The following NOL4 variants were observed in gnomAD, a reference collection of about 807,000 sequenced individuals.
NOL4 encodes nucleolar protein 4.
In NOL4, 17 loss-of-function variants were observed where a neutral mutation model predicts 75.9. The observed-to-expected ratio is 0.22, with a 90% confidence interval of 0.15 to 0.34. The LOEUF (loss-of-function observed/expected upper bound fraction) is 0.34. Among genes scored for constraint, NOL4 ranks in the 10% least tolerant of loss-of-function variants. The pLI is 1.00. For synonymous variants in NOL4, 292 were observed against 289.9 expected, an observed-to-expected ratio of 1.01 and a Z score of -0.07; for missense variants, 614 against 793.5, an observed-to-expected ratio of 0.77 and a Z score of 2.72.
intron 6 of NOL4, among the ~76,000 whole-genome samples, chr18:33,972,760 T>C (rs2071178088): frequency 6.6e-6 from 1 of 152,240 alleles, no homozygotes; most frequent in Non-Finnish European, 1.5e-5. Context: ...GTCTATTAAG[T>C]GTGCAATAGC....
At chr18:34,203,121 T>A (rs1443234720) in intron 1 of NOL4, among the ~76,000 whole-genome samples, 3 of 151,874 alleles carry the variant, frequency 2.0e-5, no homozygotes, top group Non-Finnish European at 4.4e-5. Flanking sequence ...AAACAAACTA[T>A]TGAAACAAAT....
intron 1 of NOL4, among the ~76,000 whole-genome samples, chr18:34,168,848 C>T (rs1043750036): frequency 1.3e-5 from 2 of 151,294 alleles, no homozygotes; most frequent in Admixed American, 6.6e-5. Flanking sequence ...AATAATTTTA[C>T]AGTTAAAAGT....
intron 5 of NOL4, among the ~76,000 whole-genome samples, chr18:34,025,121 A>T (rs1006509736): frequency 1.3e-5 from 2 of 152,160 alleles, no homozygotes; most frequent in East Asian, 1.9e-4. Flanking sequence ...ATCTGGAAAA[A>T]TTTCAGAAAA....
chr18:33,990,127 T>A (rs888982882), intron 6 of NOL4, among the ~76,000 whole-genome samples: 12 of 152,000 alleles, frequency 7.9e-5, no homozygotes, highest in African/African-American at 2.9e-4. Context: ...TGATGAAAAA[T>A]CAAATAAGGT....
intron 9 of NOL4, among the ~76,000 whole-genome samples, chr18:33,917,692 T>C (rs1437106603): frequency 1.3e-5 from 2 of 151,996 alleles, no homozygotes; most frequent in Non-Finnish European, 2.9e-5. Context: ...TTAGTAGAGA[T>C]GAGGTCTCGC....
At chr18:34,120,329 C>T (rs924496890) in intron 2 of NOL4, among the ~76,000 whole-genome samples, 1 of 152,130 alleles carries the variant, frequency 6.6e-6, no homozygotes, top group Non-Finnish European at 1.5e-5. Context: ...ACATCATAAG[C>T]TAGCACATAT....
At chr18:34,128,774 G>A in intron 2 of NOL4, 1 of 513,470 alleles carries the variant, frequency 1.9e-6, no homozygotes, top group Non-Finnish European at 2.5e-6. Flanking sequence ...ATATGACCCT[G>A]GAAATATAGC....
intron 2 of NOL4, among the ~76,000 whole-genome samples, chr18:34,121,593 G>A (rs1357866483): frequency 1.3e-5 from 2 of 152,242 alleles, no homozygotes; most frequent in African/African-American, 2.4e-5. Context: ...TTTGCATATC[G>A]TTCATGTATT....
intron 5 of NOL4, among the ~76,000 whole-genome samples, chr18:34,024,584 C>T (rs954437757): frequency 6.6e-6 from 1 of 151,988 alleles, no homozygotes; most frequent in Non-Finnish European, 1.5e-5. Flanking sequence ...ACAACAACAA[C>T]AAAGGAAGCT....
intron 10 of NOL4, among the ~76,000 whole-genome samples, chr18:33,864,500 C>G (rs897378514): frequency 6.6e-6 from 1 of 152,138 alleles, no homozygotes; most frequent in Non-Finnish European, 1.5e-5. Flanking sequence ...ACCACTTCAA[C>G]CTGGACTTCA....
At chr18:34,018,842 A>G (rs1475300495) in intron 6 of NOL4, among the ~76,000 whole-genome samples, 2 of 152,228 alleles carry the variant, frequency 1.3e-5, no homozygotes, top group Non-Finnish European at 2.9e-5. Context: ...CACACTTAAC[A>G]GTTATTTAGT....
In NOL4 at chr18:33,852,968, G is replaced by A; in HGVS notation, c.1791C>T (p.Ser597=). The A allele has an allele frequency of 6.2e-7, 1 of 1,613,202 alleles. No homozygotes were observed. Among genetic ancestry groups the A allele is most frequent in the Non-Finnish European group, 8.5e-7 (1 of 1,179,476 alleles). Residue 597 remains serine (S), a synonymous_variant, in exon 11 of 11, where the codon TCC becomes TCT. Transcript: ENST00000261592. The stretch of plus-strand genomic sequence containing the variant: ...TTTCAGTTGGACTCAGCTGGGGTCT[G>A]GAGTTTGAGCTGCTGGAGGATCCTG... ...TSSGSSSSSN[S]RPQLSPTEIN... is the part of the protein sequence containing the mutation.
chr18:34,167,769 A>G (rs1330595726), intron 1 of NOL4, among the ~76,000 whole-genome samples: 1 of 152,100 alleles, frequency 6.6e-6, no homozygotes, highest in East Asian at 1.9e-4. Context: ...TATACCAGGA[A>G]CCATAACATC....
intron 9 of NOL4, among the ~76,000 whole-genome samples, chr18:33,887,158 GTA>G (rs1292507448): frequency 7.1e-6 from 1 of 140,528 alleles, no homozygotes; most frequent in African/African-American, 2.6e-5. Flanking sequence ...AGATATATGT[GTA>G]TATATATATA....
intron 6 of NOL4, among the ~76,000 whole-genome samples, chr18:33,994,043 C>T (rs75114246): frequency 0.039 from 5,945 of 151,650 alleles, 141 homozygotes; most frequent in Middle Eastern, 0.065. Context: ...CAAAAAACTG[C>T]TACTAGAGAT....
intron 1 of NOL4, among the ~76,000 whole-genome samples, chr18:34,194,084 G>A (rs1053207195): frequency 6.6e-6 from 1 of 151,948 alleles, no homozygotes; most frequent in African/African-American, 2.4e-5. Flanking sequence ...GGGGATAGGG[G>A]TTGGGGAAAT....
At chr18:34,021,226 G>A (rs1367210568) in intron 5 of NOL4, among the ~76,000 whole-genome samples, 1 of 152,168 alleles carries the variant, frequency 6.6e-6, no homozygotes, top group African/African-American at 2.4e-5. Flanking sequence ...AAAATGCAGA[G>A]CAAGAAGGCT....
intron 1 of NOL4, among the ~76,000 whole-genome samples, chr18:34,132,964 C>G (rs2080723985): frequency 6.6e-6 from 1 of 151,950 alleles, no homozygotes; most frequent in Admixed American, 6.6e-5. Flanking sequence ...CCAGAGAAAC[C>G]TATCTTTCAA....
chr18:33,886,359 C>G (rs1189108326), intron 9 of NOL4, among the ~76,000 whole-genome samples: 2 of 151,734 alleles, frequency 1.3e-5, no homozygotes, highest in Non-Finnish European at 2.9e-5. Context: ...AAAACCCCGT[C>G]TCTACTAAAA....
Sources: gnomAD v4.1 joint callset for allele counts (sites outside exome capture counted in the v4.1 genomes callset) on GRCh38, gnomAD v4.1.1 for gene constraint, MANE v1.5 for transcripts, NCBI Gene and HGNC (gene_info 2026-07-23, HGNC 2026-07-21) for gene names.